FAM186A: variants seen among roughly 807,000 people sequenced by gnomAD.
FAM186A encodes protein FAM186A.
In FAM186A, 163 loss-of-function variants were observed where a neutral mutation model predicts 216.8. The observed-to-expected ratio is 0.75, with a 90% CI of 0.66 to 0.86. The LOEUF is 0.86. FAM186A is among the 40% of genes least tolerant of loss of function. FAM186A has a pLI of 0.00. For missense variants in FAM186A, 2,184 were observed against 2,746.2 expected (o/e 0.80, Z 4.58); for synonymous variants, 805 against 1,025.3 (o/e 0.79, Z 4.10).
chr12:50,350,110 T>C (rs547495042), intron 4 of FAM186A, among the ~76,000 whole-genome samples: 4 of 152,298 alleles, frequency 2.6e-5, no homozygotes, highest in African/African-American at 7.2e-5. Flanking sequence ...GCTGGAGATA[T>C]ATATGGATGA....
Position 50,353,267 on chromosome 12 carries a change from G to A in FAM186A, c.3565C>T (p.Gln1189Ter). ...GGGGTGAGAGGGATCCCCAATTCCT[G>A]AGCCTGCTGAGGGGTGAGAGGGATC... The part of the protein sequence containing the change: ...LGIPLTPQQA[Q>*]ELGIPLTPQQ... The change falls in exon 4 of 8, where the codon CAG (glutamine) becomes TAG (stop). Residue 1189 changes from glutamine to a stop codon, truncating the protein, a stop_gained. Coordinates refer to ENST00000327337, the MANE Select transcript of FAM186A (RefSeq NM_001145475.3). LOFTEE classifies it high-confidence loss of function. 1.9e-6 allele frequency: 3 copies of A among 1,543,070 alleles called. No homozygotes were observed. Among genetic ancestry groups the A allele is most frequent in the Non-Finnish European group, 2.6e-6 (3 of 1,142,698 alleles).
Position 50,351,781 on chromosome 12 carries a change from A to G in FAM186A, c.5051T>C (p.Leu1684Ser), listed in dbSNP as rs981982516. The stretch of plus-strand genomic sequence containing the variant: ...GGTGAGAGGAACCCCTAACTTCAAT[A>G]ACTGTTCTTGAGCCTGTTCTAAGTT... ...PMNLEQAQEQ[L>S]LKLGVPLTLD... Residue 1684 changes from leucine to serine, a missense_variant, in exon 4 of 8, where the codon TTA (leucine) becomes TCA (serine). Transcript: ENST00000327337. The G allele has an allele frequency of 3.2e-6, 5 of 1,550,730 alleles. No individual in the cohort carries two copies. Among genetic ancestry groups the G allele is most frequent in the Non-Finnish European group, 4.4e-6 (5 of 1,146,494 alleles).
chr12:50,342,439 TC>T (rs1490466237), intron 4 of FAM186A, among the ~76,000 whole-genome samples: 4 of 151,590 alleles, frequency 2.6e-5, no homozygotes, highest in Admixed American at 2.6e-4. Flanking sequence ...GGGAAAAATC[TC>T]CTTTTTTATT....
intron 4 of FAM186A, among the ~76,000 whole-genome samples, chr12:50,344,044 C>A (rs1336852063): frequency 6.6e-6 from 1 of 151,190 alleles, no homozygotes; most frequent in Non-Finnish European, 1.5e-5. Flanking sequence ...AGCCACCACA[C>A]CCAGCCAGTC....
intron 1 of FAM186A, among the ~76,000 whole-genome samples, chr12:50,372,811 G>T (rs1481367867): frequency 6.7e-6 from 1 of 149,890 alleles, no homozygotes; most frequent in Admixed American, 6.8e-5. Context: ...ATGAGGCAGA[G>T]AATTGCTTGA....
At chr12:50,382,933 T>C (rs1224026191) in intron 1 of FAM186A, among the ~76,000 whole-genome samples, 1 of 151,968 alleles carries the variant, frequency 6.6e-6, no homozygotes, top group East Asian at 1.9e-4. Context: ...TATTTTTTTC[T>C]TTTATAGTAA....
chr12:50,336,202 A>T (rs1051460706), intron 4 of FAM186A, among the ~76,000 whole-genome samples: 5 of 151,890 alleles, frequency 3.3e-5, no homozygotes, highest in Non-Finnish European at 7.4e-5. Flanking sequence ...TCATAAAAAG[A>T]TTCTCCCTTT....
intron 1 of FAM186A, among the ~76,000 whole-genome samples, chr12:50,375,180 A>AAAAT (rs762721458): frequency 2.0e-5 from 3 of 152,110 alleles, no homozygotes; most frequent in East Asian, 1.9e-4. Flanking sequence ...TCCATCTCAA[A>AAAAT]AAATAAATAA....
chr12:50,339,173 C>G lies in FAM186A; in HGVS notation c.6504-5070G>C, dbSNP rs186298897. The stretch of plus-strand genomic sequence containing the variant: ...GGGACCACAGGCATACATACCACCA[C>G]GCCTGGCTAATTTTTATAATTTTTG... On this transcript the variant is annotated intron_variant, in intron 4 of 7. Transcript: ENST00000327337. Among the ~76,000 whole-genome samples, 6 of 151,814 alleles carry G rather than the reference C, an allele frequency of 4.0e-5. No individual in the cohort carries two copies. In the South Asian group the frequency reaches 1.0e-3, roughly 26 times the overall value.
In FAM186A at chr12:50,350,391, G is replaced by A. The variant is rs1047456597; in HGVS notation, c.6441C>T (p.Asp2147=). 4 of 1,551,166 alleles carry A rather than the reference G, an allele frequency of 2.6e-6. No homozygotes were observed. The highest frequency in any genetic ancestry group is 3.9e-5 in the Admixed American group (2 of 50,846). The part of the protein sequence containing the change: ...RTLIIEILHM[D]TVQLGYLFRK... ...GGAATAAGTATCCCAACTGAACTGT[G>A]TCCATATGAAGTATCTCAATTATGA... The change falls in exon 4 of 8, where the codon GAC becomes GAT. Residue 2147 remains aspartate (D), a synonymous_variant. Coordinates refer to ENST00000327337, the MANE Select transcript of FAM186A (RefSeq NM_001145475.3).
intron 7 of FAM186A, among the ~76,000 whole-genome samples, chr12:50,329,586 T>C (rs114168704): frequency 0.01 from 1,567 of 151,960 alleles, 25 homozygotes; most frequent in African/African-American, 0.034. Flanking sequence ...GACAAATTTG[T>C]GAATTAACAC....
chr12:50,393,963 G>A (rs773455955), intron 1 of FAM186A, among the ~76,000 whole-genome samples: 15 of 152,112 alleles, frequency 9.9e-5, no homozygotes, highest in Non-Finnish European at 1.3e-4. Flanking sequence ...CTGTCACCCA[G>A]GCTGGAGTGC....
At chr12:50,394,322 G>T (rs936678758) in intron 1 of FAM186A, among the ~76,000 whole-genome samples, 3 of 152,118 alleles carry the variant, frequency 2.0e-5, no homozygotes, top group Admixed American at 2.0e-4. Context: ...ACTTTGGAGT[G>T]GGGGTGGGTC....
intron 1 of FAM186A, among the ~76,000 whole-genome samples, chr12:50,368,568 T>C (rs1287935934): frequency 2.0e-5 from 3 of 152,148 alleles, no homozygotes; most frequent in African/African-American, 7.2e-5. Flanking sequence ...ATATTTAATA[T>C]TGTTAAGATG....
chr12:50,389,191 C>A, intron 1 of FAM186A, among the ~76,000 whole-genome samples: 1 of 151,764 alleles, frequency 6.6e-6, no homozygotes, highest in East Asian at 1.9e-4. Flanking sequence ...AATAACAAGA[C>A]CTTATCTCTA....
chr12:50,341,718 C>T (rs1942764078), intron 4 of FAM186A, among the ~76,000 whole-genome samples: 1 of 152,134 alleles, frequency 6.6e-6, no homozygotes, highest in Admixed American at 6.6e-5. Context: ...ATCTGTAATC[C>T]CAGCTACTCA....
In FAM186A at chr12:50,354,748, G is replaced by A; in HGVS notation, c.2084C>T (p.Thr695Ile). 1.3e-6 allele frequency: 2 copies of A among 1,540,956 alleles called. No homozygotes were observed. Among genetic ancestry groups the A allele is most frequent in the Middle Eastern group, 1.7e-4 (1 of 5,960 alleles). Residue 695 changes from threonine (T) to isoleucine (I), a missense_variant, in exon 4 of 8, where the codon ACT becomes ATT. Coordinates refer to ENST00000327337, the MANE Select transcript of FAM186A (RefSeq NM_001145475.3). ...DNIGKAFDKKTVPKEEELLKR... is the reference protein window; with the variant it reads ...DNIGKAFDKKIVPKEEELLKR... ...TAATAACTCCTCTTCCTTCGGAACA[G>A]TCTTTTTGTCAAAAGCCTTTCCTAT...
At chr12:50,372,210 C>A (rs1488240784) in intron 1 of FAM186A, among the ~76,000 whole-genome samples, 1 of 152,096 alleles carries the variant, frequency 6.6e-6, no homozygotes, top group East Asian at 1.9e-4. Flanking sequence ...GCAAATCTAA[C>A]TTAAGTCAAG....
chr12:50,353,696 T>C lies in FAM186A; in HGVS notation c.3136A>G (p.Ile1046Val), dbSNP rs1376621405. The C allele has an allele frequency of 1.7e-5, 26 of 1,539,014 alleles. 1 individual carries two copies. In the Admixed American group the frequency reaches 2.1e-4, roughly 12 times the overall value. ...AGGGAGGGGGGAGGTGTGATTGATA[T>C]GGGCTCCTTTTCATCAGGAAGGTTC... ...LENLPDEKEP[I>V]SITPPPSLQY... Residue 1046 changes from isoleucine to valine, a missense_variant, in exon 4 of 8, where the codon ATA becomes GTA. By Grantham distance (29) the Ile-to-Val change is conservative (BLOSUM62 3). Coordinates refer to ENST00000327337, the MANE Select transcript of FAM186A (RefSeq NM_001145475.3).
Sources: gnomAD v4.1 joint callset for allele counts (sites outside exome capture counted in the v4.1 genomes callset) on GRCh38, gnomAD v4.1.1 for gene constraint, MANE v1.5 for transcripts, NCBI Gene and HGNC (gene_info 2026-07-23, HGNC 2026-07-21) for gene names.